Variants in ADCY9 observed in about 807,000 individuals in gnomAD.
The protein encoded by ADCY9 is adenylate cyclase type 9.
Under a neutral mutation model 101.5 loss-of-function variants are expected in ADCY9, and 50 were observed. The observed-to-expected ratio is 0.49, with a 90% confidence interval of 0.39 to 0.62. The LOEUF is 0.62. ADCY9 is among the 20% of genes least tolerant of loss of function. The probability of loss-of-function intolerance (pLI) is 0.00; values close to 1 mark genes in which losing one functional copy is unlikely to be tolerated. For synonymous variants in ADCY9, 905 were observed against 769.3 expected, an observed-to-expected ratio of 1.18 and a Z score of -2.92; for missense variants, 1,662 against 1,800.4, an observed-to-expected ratio of 0.92 and a Z score of 1.39.
chr16:3,973,617 G>C (rs886908680), intron 10 of ADCY9, among the ~76,000 whole-genome samples: 1 of 151,868 alleles, frequency 6.6e-6, no homozygotes, highest in Non-Finnish European at 1.5e-5. Context: ...TTAGCTTCCC[G>C]AGTAGCTGGG....
Position 3,978,984 on chromosome 16 carries a change from G to C in ADCY9, c.2679+132C>G, listed in dbSNP as rs567637622. ...CCCACCTCCACCTCCCACAGTGCTG[G>C]GATTACAGGCGTGAGCCACCATGCC... On this transcript the variant is annotated intron_variant, in intron 8 of 10. Transcript: ENST00000294016. 54 of 1,165,452 alleles carry C rather than the reference G, an allele frequency of 4.6e-5. 1 individual carries two copies. The African/African-American group carries it at 8.1e-4, about 17-fold the overall frequency. 72.2% of individuals were successfully genotyped at this position (1,165,452 alleles called of 1,614,324 possible).
intron 5 of ADCY9, among the ~76,000 whole-genome samples, chr16:3,957,599 C>G (rs1445914186): frequency 6.6e-6 from 1 of 152,016 alleles, no homozygotes; most frequent in Admixed American, 6.6e-5. Flanking sequence ...GTCCTAGAGA[C>G]GCAGAACCAA....
chr16:4,033,457 C>T (rs930090068), intron 2 of ADCY9, among the ~76,000 whole-genome samples: 3 of 131,366 alleles, frequency 2.3e-5, no homozygotes, highest in African/African-American at 8.9e-5. Context: ...TTTTTTGAGA[C>T]GGAGTCTTGC....
At chr16:4,097,188 C>CGCAGCACCTCGGAGCCCACAGT (rs1567146672) in intron 2 of ADCY9, among the ~76,000 whole-genome samples, 1 of 152,000 alleles carries the variant, frequency 6.6e-6, no homozygotes, top group Non-Finnish European at 1.5e-5. Flanking sequence ...ACGCCCTCAG[C>CGCAGCACCTCGGAGCCCACAGT]GCAGCACCTC....
chr16:3,954,120 A>T (rs906922780), intron 5 of ADCY9, among the ~76,000 whole-genome samples: 2 of 152,192 alleles, frequency 1.3e-5, no homozygotes, highest in Non-Finnish European at 2.9e-5. Context: ...TTAATGCTGC[A>T]GGGTGAGGAG....
chr16:4,015,599 A>T (rs981304068), intron 2 of ADCY9: 9 of 152,150 alleles, frequency 5.9e-5, no homozygotes, highest in African/African-American at 1.9e-4. Context: ...GAAAGAAATA[A>T]ATAGGTTAAA....
In ADCY9 at chr16:4,042,417, T is replaced by C. The variant is rs142408150; in HGVS notation, c.1694-34859A>G. 8.9e-3 allele frequency among the ~76,000 whole-genome samples: 1,350 copies of C among 152,282 alleles called. 14 individuals are homozygous for C. The highest frequency in any genetic ancestry group is 0.011 in the Non-Finnish European group (732 of 68,024). On this transcript the variant is annotated intron_variant, in intron 2 of 10. Coordinates refer to ENST00000294016, the MANE Select transcript of ADCY9 (RefSeq NM_001116.4). ...AATATATGGCTTCTTCCCCGCCCCA[T>C]TGTTATTTGATTCAATTATTTACAA...
chr16:4,115,580 C>A lies in ADCY9; in HGVS notation c.-43-95G>T. 9.3e-7 allele frequency: 1 copy of A among 1,074,412 alleles called. No individual in the cohort carries two copies. The highest frequency in any genetic ancestry group is 1.3e-6 in the Non-Finnish European group (1 of 771,296). The allele number at this position is 1,074,412 out of a possible 1,614,324, so 66.6% of individuals were successfully genotyped here. A position where few individuals can be genotyped will look rare whatever the true frequency, so the allele number is the denominator to read the frequency against. ...CTCCTGTCCTAAGGGGCGGCTCCAGCACGCGACCTGGACAGGCACCATCTG... is the reference window on the plus strand; with the variant it reads ...CTCCTGTCCTAAGGGGCGGCTCCAGAACGCGACCTGGACAGGCACCATCTG... On this transcript the variant is annotated intron_variant, in intron 1 of 10. Transcript: ENST00000294016. The surrounding 1 kb of genome is among the most constrained non-coding windows in gnomAD (Gnocchi z 6.2).
chr16:4,004,537 G>A (rs185470353), intron 3 of ADCY9, among the ~76,000 whole-genome samples: 17 of 152,330 alleles, frequency 1.1e-4, no homozygotes, highest in East Asian at 1.9e-4. Context: ...TCAGTCCTTC[G>A]CCTGGCTCTG....
intron 2 of ADCY9, among the ~76,000 whole-genome samples, chr16:4,034,040 T>G (rs1012442092): frequency 2.0e-5 from 3 of 152,032 alleles, no homozygotes; most frequent in Admixed American, 6.6e-5. Context: ...AACGAAAGAT[T>G]TGGTGGGTTT....
intron 2 of ADCY9, among the ~76,000 whole-genome samples, chr16:4,084,300 C>T (rs972467778): frequency 6.6e-6 from 1 of 151,830 alleles, no homozygotes; most frequent in Admixed American, 6.6e-5. Context: ...TTAGTAGAGA[C>T]AGGGTTTTAC....
At chr16:4,075,396 C>T (rs1035463777) in intron 2 of ADCY9, among the ~76,000 whole-genome samples, 3 of 152,298 alleles carry the variant, frequency 2.0e-5, no homozygotes, top group Middle Eastern at 3.4e-3. Context: ...ACATCAGCCT[C>T]CCAAAGTGCT....
intron 4 of ADCY9, 103 bp downstream of exon 4, chr16:3,993,284 CGGAGTGCTGTTACCCAAGA>C (rs1236156113): frequency 1.3e-6 from 2 of 1,484,412 alleles, no homozygotes; most frequent in Non-Finnish European, 1.8e-6. Context: ...CCCGCGGGTG[CGGAGTGCTGTTACCCAAGA>C]GGAGTTACTC....
At chr16:4,027,487 C>T (rs182878673) in intron 2 of ADCY9, among the ~76,000 whole-genome samples, 1 of 152,262 alleles carries the variant, frequency 6.6e-6, no homozygotes, top group Non-Finnish European at 1.5e-5. Flanking sequence ...GCTAGGGAGG[C>T]CTCACAATCA....
At chr16:4,022,619 C>T (rs2056485700) in intron 2 of ADCY9, among the ~76,000 whole-genome samples, 1 of 150,426 alleles carries the variant, frequency 6.6e-6, no homozygotes, top group East Asian at 2.0e-4. Context: ...TGTATACCTG[C>T]AGCAATTTTT....
chr16:3,986,212 C>T (rs1296102704), intron 6 of ADCY9, among the ~76,000 whole-genome samples: 2 of 152,248 alleles, frequency 1.3e-5, no homozygotes, highest in Non-Finnish European at 2.9e-5. Context: ...CCAGTACTTG[C>T]ACCTTGTGGG....
chr16:4,093,503 A>G (rs897020671), intron 2 of ADCY9, among the ~76,000 whole-genome samples: 4 of 152,216 alleles, frequency 2.6e-5, no homozygotes, highest in African/African-American at 9.6e-5. Flanking sequence ...AAATGGCTAA[A>G]TCTCAATCAA....
downstream of ADCY9, among the ~76,000 whole-genome samples, chr16:3,960,571 T>C (rs1168712525): frequency 6.6e-6 from 1 of 152,104 alleles, no homozygotes; most frequent in African/African-American, 2.4e-5. Flanking sequence ...AAAGTTGTTT[T>C]TATGTGCATT....
chr16:4,054,724 C>G (rs912593852), intron 2 of ADCY9, among the ~76,000 whole-genome samples: 1 of 152,064 alleles, frequency 6.6e-6, no homozygotes, highest in Non-Finnish European at 1.5e-5. Context: ...GTGCCCGCCA[C>G]CATGCCCGGC....
Sources: gnomAD v4.1 joint callset for allele counts (sites outside exome capture counted in the v4.1 genomes callset) on GRCh38, gnomAD v4.1.1 for gene constraint, Gnocchi (gnomAD v3.1) non-coding constraint, MANE v1.5 for transcripts, NCBI Gene and HGNC (gene_info 2026-07-23, HGNC 2026-07-21) for gene names.